Variants in NDUFAB1 observed in about 807,000 individuals in gnomAD.
The protein encoded by NDUFAB1 is NADH:ubiquinone oxidoreductase subunit AB1.
NDUFAB1 carries 5 observed loss-of-function variants against 16.1 expected under a neutral mutation model. That is an observed-to-expected ratio of 0.31 (90% CI 0.16 to 0.65). NDUFAB1 has a LOEUF of 0.65. Among genes scored for constraint, NDUFAB1 ranks in the 30% least tolerant of loss-of-function variants. The pLI, the probability that NDUFAB1 is intolerant of heterozygous loss-of-function variation, is 0.77. For missense variants in NDUFAB1, 187 were observed against 205.3 expected, an observed-to-expected ratio of 0.91 and a Z score of 0.54; for synonymous variants, 85 against 78.4, an observed-to-expected ratio of 1.08 and a Z score of -0.44.
chr16:23,584,254 T>TAAAAAAAA (rs774895056), intron 3 of NDUFAB1, among the ~76,000 whole-genome samples: 33 of 12,112 alleles, frequency 2.7e-3, no homozygotes, highest in South Asian at 6.5e-3. Context: ...GAATGATCAA[T>TAAAAAAAA]TAAAAAAAAA....
At chr16:23,595,139 T>C (rs1281702023) in intron 1 of NDUFAB1, among the ~76,000 whole-genome samples, 2 of 151,666 alleles carry the variant, frequency 1.3e-5, no homozygotes, top group Non-Finnish European at 2.9e-5. Flanking sequence ...TAGTCCCAAA[T>C]ACTCGGGGGG....
intron 4 of NDUFAB1, among the ~76,000 whole-genome samples, 184 bp from the exon 5 acceptor site, chr16:23,581,357 C>A (rs1966177910): frequency 6.6e-6 from 1 of 152,056 alleles, no homozygotes; most frequent in African/African-American, 2.4e-5. Flanking sequence ...ACCAGCCTGG[C>A]CAACATGGTG....
At chr16:23,583,734 C>A (rs1305945319) in intron 3 of NDUFAB1, among the ~76,000 whole-genome samples, 3 of 145,090 alleles carry the variant, frequency 2.1e-5, no homozygotes, top group South Asian at 2.2e-4. Context: ...CGTCTCCGCC[C>A]GGCAGCCGCC....
intron 2 of NDUFAB1, 106 bp downstream of exon 2, chr16:23,587,091 C>A: frequency 8.5e-7 from 1 of 1,180,034 alleles, no homozygotes; most frequent in Non-Finnish European, 1.2e-6. Flanking sequence ...GCCTGGGTGT[C>A]TGGGAGCCAG....
intron 1 of NDUFAB1, among the ~76,000 whole-genome samples, chr16:23,593,225 G>T (rs1249677584): frequency 6.6e-6 from 1 of 152,222 alleles, no homozygotes; most frequent in Non-Finnish European, 1.5e-5. Flanking sequence ...TTTGAGTCCA[G>T]GAGGTCAAGG....
At chr16:23,591,535 T>A (rs1025583192) in intron 1 of NDUFAB1, among the ~76,000 whole-genome samples, 1 of 152,194 alleles carries the variant, frequency 6.6e-6, no homozygotes, top group Non-Finnish European at 1.5e-5. Context: ...CTGACCTGTC[T>A]CCAAAACTCC....
At chr16:23,589,291 C>T (rs1390962851) in intron 1 of NDUFAB1, among the ~76,000 whole-genome samples, 4 of 147,268 alleles carry the variant, frequency 2.7e-5, no homozygotes, top group Middle Eastern at 3.4e-3. Context: ...AGTGAGATTC[C>T]GTCTCAAGAA....
Position 23,583,800 on chromosome 16 carries a change from G to A in NDUFAB1, c.380-1425C>T, listed in dbSNP as rs541924364. On this transcript the variant is annotated intron_variant, in intron 3 of 4. Transcript: ENST00000007516. ...GAGAACGGGCCATGATGACGATGGC[G>A]GTTGTTTCGAATAGAAAAGGGGGAA... Among the ~76,000 whole-genome samples the A allele has an allele frequency of 5.3e-5, 8 of 152,052 alleles. 1 individual carries two copies. Among genetic ancestry groups the A allele is most frequent in the South Asian group, 2.1e-4 (1 of 4,822 alleles).
chr16:23,582,444 G>T, intron 3 of NDUFAB1, 69 bp from the exon 4 acceptor site: 2 of 1,437,300 alleles, frequency 1.4e-6, no homozygotes, highest in South Asian at 1.5e-5. Context: ...GAACACACCT[G>T]ACCCTTCTAC....
At chr16:23,590,654 T>TTTTTTTTTC (rs1284840329) in intron 1 of NDUFAB1, among the ~76,000 whole-genome samples, 5 of 151,174 alleles carry the variant, frequency 3.3e-5, no homozygotes, top group African/African-American at 9.7e-5. Context: ...TTTTTTTTTT[T>TTTTTTTTTC]CAGACAGAGT....
At chr16:23,592,537 T>C (rs927620923) in intron 1 of NDUFAB1, among the ~76,000 whole-genome samples, 4 of 151,672 alleles carry the variant, frequency 2.6e-5, no homozygotes, top group Non-Finnish European at 5.9e-5. Flanking sequence ...AATAGCTAGC[T>C]TTTTTTTGTA....
In NDUFAB1 at chr16:23,586,714, T is replaced by C. The variant is rs567062721; in HGVS notation, c.291+483A>G. Among the ~76,000 whole-genome samples the C allele has an allele frequency of 4.6e-5, 7 of 152,032 alleles. No individual in the cohort carries two copies. In the South Asian group the frequency reaches 1.5e-3, roughly 32 times the overall value. Reference sequence around the variant, plus strand: ...CCTAGGCTGGACTGCAATCACGCTATCTCGGCTCACTGCAACCTCCACCTC... The same window carrying C: ...CCTAGGCTGGACTGCAATCACGCTACCTCGGCTCACTGCAACCTCCACCTC... On this transcript the variant is annotated intron_variant, in intron 2 of 4. Coordinates refer to ENST00000007516, the MANE Select transcript of NDUFAB1 (RefSeq NM_005003.3).
chr16:23,593,861 T>TTTATTTA (rs1482647399), intron 1 of NDUFAB1, among the ~76,000 whole-genome samples: 5 of 126,142 alleles, frequency 4.0e-5, no homozygotes, highest in Non-Finnish European at 7.0e-5. Flanking sequence ...TATTTATTTA[T>TTTATTTA]TTATTTATTT....
chr16:23,594,748 A>C (rs1312772312), intron 1 of NDUFAB1, among the ~76,000 whole-genome samples: 1 of 149,540 alleles, frequency 6.7e-6, no homozygotes, highest in African/African-American at 2.5e-5. Context: ...TCGGCCTCCC[A>C]AAGTGCTGGG....
At chr16:23,589,299 G>GAAAA (rs200912248) in intron 1 of NDUFAB1, among the ~76,000 whole-genome samples, 5 of 102,462 alleles carry the variant, frequency 4.9e-5, no homozygotes, top group Admixed American at 2.0e-4. Flanking sequence ...TCCGTCTCAA[G>GAAAA]AAAAAAAAAA....
intron 3 of NDUFAB1, among the ~76,000 whole-genome samples, chr16:23,585,033 C>T (rs1472663009): frequency 6.6e-6 from 1 of 152,206 alleles, no homozygotes; most frequent in Non-Finnish European, 1.5e-5. Context: ...GAGGCTTTTG[C>T]CCTTTGTCTT....
rs779374116 is a variant in NDUFAB1 at position 23,596,163 on chromosome 16, G to A, written c.128C>T (p.Thr43Met). 74 of 1,610,874 alleles carry A rather than the reference G, an allele frequency of 4.6e-5. No homozygotes were observed. Among genetic ancestry groups the A allele is most frequent in the Non-Finnish European group, 5.8e-5 (68 of 1,178,906 alleles). Residue 43 changes from threonine to methionine, a missense_variant, in exon 1 of 5, where the codon ACG (threonine) becomes ATG (methionine). By Grantham distance (81) the Thr-to-Met change is moderately conservative. Transcript: ENST00000007516. ...GGCCGGCTGCAAAGTCCCGAGCCTC[G>A]TCTGGGTCCCCGCGGAGCAGAGAGC... ...STALCSAGTQ[T>M]RLGTLQPALV...
intron 1 of NDUFAB1, chr16:23,595,600 A>G (rs1966317968): frequency 2.2e-6 from 1 of 456,184 alleles, no homozygotes; most frequent in Non-Finnish European, 4.4e-6. Context: ...CTTGTTTCCT[A>G]GAATTACTTC....
intron 1 of NDUFAB1, among the ~76,000 whole-genome samples, chr16:23,594,161 G>A (rs376635771): frequency 6.6e-6 from 1 of 151,450 alleles, no homozygotes; most frequent in Non-Finnish European, 1.5e-5. Flanking sequence ...GATTACAGGC[G>A]TGAGCCATCG....
Sources: gnomAD v4.1 joint callset for allele counts (sites outside exome capture counted in the v4.1 genomes callset) on GRCh38, gnomAD v4.1.1 for gene constraint, MANE v1.5 for transcripts, NCBI Gene and HGNC (gene_info 2026-07-23, HGNC 2026-07-21) for gene names.